PKHD1L1: variants seen among roughly 807,000 people sequenced by gnomAD.
The protein encoded by PKHD1L1 is PKHD1 like 1.
In PKHD1L1, 434 loss-of-function variants were observed where a neutral mutation model predicts 462.9. The ratio of observed to expected loss-of-function variants is 0.94; its 90% CI spans 0.87 to 1.02. The LOEUF is 1.02. PKHD1L1 is among the 50% of genes least tolerant of loss of function. The probability of loss-of-function intolerance (pLI) is 0.00; values close to 1 mark genes in which losing one functional copy is unlikely to be tolerated. For missense variants in PKHD1L1, 5,202 were observed against 5,096.1 expected (o/e 1.02, Z -0.63); for synonymous variants, 1,781 against 1,750.0 (o/e 1.02, Z -0.44).
intron 39 of PKHD1L1, 27 bp downstream of exon 39, chr8:109,448,418 A>T: frequency 6.4e-7 from 1 of 1,566,732 alleles, no homozygotes; most frequent in Non-Finnish European, 8.7e-7. Context: ...AAGAACCTGC[A>T]GATATTTTGT....
intron 72 of PKHD1L1, among the ~76,000 whole-genome samples, chr8:109,516,021 T>C (rs1191257739): frequency 2.0e-5 from 3 of 152,110 alleles, no homozygotes; most frequent in Non-Finnish European, 4.4e-5. Flanking sequence ...GGGTAATCTG[T>C]TTGCTTTACC....
intron 46 of PKHD1L1, among the ~76,000 whole-genome samples, chr8:109,457,922 C>T (rs116921627): frequency 0.016 from 2,441 of 152,128 alleles, 27 homozygotes; most frequent in Admixed American, 0.024. Flanking sequence ...ACTGGTTCGC[C>T]CTTATCTCTA....
chr8:109,485,351 C>T (rs1007351528), intron 58 of PKHD1L1, among the ~76,000 whole-genome samples, 178 bp downstream of exon 58: 4 of 151,942 alleles, frequency 2.6e-5, no homozygotes, highest in African/African-American at 7.2e-5. Context: ...CGATAGTCCC[C>T]GCTATGTGCT....
At position 109,508,139 on chromosome 8, in the gene PKHD1L1, A is replaced by G. The variant is rs1819790945; in HGVS notation, c.11270A>G (p.Gln3757Arg). ...ACCTGTAAGTACCTTCCAGAGTGGCAGAGCTATCAGTGCTTTGGGATGGAA... is the reference window on the plus strand; with the variant it reads ...ACCTGTAAGTACCTTCCAGAGTGGCGGAGCTATCAGTGCTTTGGGATGGAA... ...DSTCKYLPEW[Q>R]SYQCFGMEYA... The change falls in exon 70 of 78, where the codon CAG (glutamine) becomes CGG (arginine). Residue 3757 changes from glutamine (Q) to arginine (R), a missense_variant. Gln to Arg is a conservative substitution (Grantham distance 43, BLOSUM62 1). Around this residue, in one of 3 missense-constraint regions of PKHD1L1, gnomAD observed 698 missense variants for 736.3 expected, o/e 0.95. Coordinates refer to ENST00000378402, the MANE Select transcript of PKHD1L1 (RefSeq NM_177531.6). 6.2e-6 allele frequency: 10 copies of G among 1,612,888 alleles called. No individual in the cohort carries two copies. Among genetic ancestry groups the G allele is most frequent in the Non-Finnish European group, 7.6e-6 (9 of 1,179,204 alleles).
At position 109,464,499 on chromosome 8, in the gene PKHD1L1, A is replaced by C. The variant is rs1817315035; in HGVS notation, c.7667A>C (p.Asp2556Ala). 2 of 1,613,736 alleles carry C rather than the reference A, an allele frequency of 1.2e-6. No homozygotes were observed. Among genetic ancestry groups the C allele is most frequent in the Non-Finnish European group, 1.7e-6 (2 of 1,179,776 alleles). Reference sequence around the variant, plus strand: ...CAAAGTACCAGTCTTCTGAATGATGATGTGACCCCGGCTGCATTTTGGGTC... The same window carrying C: ...CAAAGTACCAGTCTTCTGAATGATGCTGTGACCCCGGCTGCATTTTGGGTC... Reference protein sequence around the residue: ...VQQSTSLLNDDVTPAAFWVTN... With the variant: ...VQQSTSLLNDAVTPAAFWVTN... Residue 2556 changes from aspartate (D) to alanine (A), a missense_variant, in exon 49 of 78, where the codon GAT becomes GCT. Physicochemically the swap from Asp to Ala is moderately radical, Grantham distance 126 (BLOSUM62 -2). Coordinates refer to ENST00000378402, the MANE Select transcript of PKHD1L1 (RefSeq NM_177531.6).
In PKHD1L1 at chr8:109,445,251, T is replaced by C. The variant is rs1177322431; in HGVS notation, c.5382T>C (p.Asn1794=). Residue 1794 remains asparagine, a synonymous_variant, in exon 38 of 78, where the codon AAT becomes AAC. Transcript: ENST00000378402. Reference sequence around the variant, plus strand: ...AACAGTTCAGAGCAATAGAGGTTAATGAAAACAACATCACTGCTCTTGTGA... The same window carrying C: ...AACAGTTCAGAGCAATAGAGGTTAACGAAAACAACATCACTGCTCTTGTGA... ...GNQQFRAIEV[N]ENNITALVTP... 6.2e-7 allele frequency: 1 copy of C among 1,614,028 alleles called. No homozygotes were observed.
At position 109,396,027 on chromosome 8, in the gene PKHD1L1, A is replaced by T. The variant is rs371365976; in HGVS notation, c.812A>T (p.Glu271Val). 80 of 1,585,108 alleles carry T rather than the reference A, an allele frequency of 5.0e-5. No individual in the cohort carries two copies. The highest frequency in any genetic ancestry group is 6.8e-5 in the Non-Finnish European group (79 of 1,162,520). The change falls in exon 11 of 78, where the codon GAG becomes GTG. Residue 271 changes from glutamate to valine, a missense_variant and splice_region_variant. By Grantham distance (121) the Glu-to-Val change is moderately radical (BLOSUM62 -2). This residue lies in a region of PKHD1L1 where 4,497 missense variants were observed against 4,336.8 expected (regional missense o/e 1.04). Transcript: ENST00000378402. ...TTTATTTAATGTGGTTTTCCCCCAG[A>T]GGTCACCATGATTTTCCCTTCACAA... The part of the protein sequence containing the change: ...NKIAMFQTYA[E>V]VTMIFPSQGS...
intron 2 of PKHD1L1, among the ~76,000 whole-genome samples, chr8:109,365,583 T>C (rs1811188315): frequency 6.6e-6 from 1 of 152,222 alleles, no homozygotes; most frequent in Admixed American, 6.5e-5. Flanking sequence ...TCTTTAACCA[T>C]ATGTTTCTTA....
At chr8:109,457,591 CA>C (rs1292591575) in intron 46 of PKHD1L1, among the ~76,000 whole-genome samples, 1 of 152,094 alleles carries the variant, frequency 6.6e-6, no homozygotes, top group Non-Finnish European at 1.5e-5. Context: ...TAGCTCCCTG[CA>C]ATACCACTTA....
At position 109,435,366 on chromosome 8, in the gene PKHD1L1, T is replaced by C. The variant is rs1425796694; in HGVS notation, c.3505+12T>C. 3 of 1,603,012 alleles carry C rather than the reference T, an allele frequency of 1.9e-6. No individual in the cohort carries two copies. The highest frequency in any genetic ancestry group is 2.6e-6 in the Non-Finnish European group (3 of 1,172,138). ...TGGAAGCATAGCAGGTAATGGTTAATAGTTTAAACAGAGAGAAAATTGCAT... is the reference window on the plus strand; with the variant it reads ...TGGAAGCATAGCAGGTAATGGTTAACAGTTTAAACAGAGAGAAAATTGCAT... On this transcript the variant is annotated intron_variant, in intron 29 of 77. Coordinates refer to ENST00000378402, the MANE Select transcript of PKHD1L1 (RefSeq NM_177531.6).
rs760866860 is a variant in PKHD1L1, at chr8:109,435,303, G to C, written c.3454G>C (p.Val1152Leu). The C allele has an allele frequency of 1.2e-6, 2 of 1,613,722 alleles. No individual in the cohort carries two copies. The highest frequency in any genetic ancestry group is 3.3e-5 in the Admixed American group (2 of 60,002). The change falls in exon 29 of 78, where the codon GTT becomes CTT. Residue 1152 changes from valine (V) to leucine (L), a missense_variant. Around this residue, in one of 3 missense-constraint regions of PKHD1L1, gnomAD observed 4,497 missense variants for 4,336.8 expected, o/e 1.04. Transcript: ENST00000378402. The stretch of plus-strand genomic sequence containing the variant: ...TGTAGGGGGTGAAGAGTTCTACTTT[G>C]TTTATCAGAGTCAGATCTCACATAT... ...QNVGGEEFYF[V>L]YQSQISHIWP... is the part of the protein sequence containing the mutation.
intron 48 of PKHD1L1, among the ~76,000 whole-genome samples, chr8:109,462,525 ACTTG>A (rs1817197156): frequency 6.6e-6 from 1 of 151,898 alleles, no homozygotes; most frequent in Non-Finnish European, 1.5e-5. Flanking sequence ...GGTCCTTTGT[ACTTG>A]CTTTTCATTA....
At chr8:109,462,973 T>G (rs1048930413) in intron 48 of PKHD1L1, among the ~76,000 whole-genome samples, 1 of 152,084 alleles carries the variant, frequency 6.6e-6, no homozygotes, top group African/African-American at 2.4e-5. Flanking sequence ...TTATTTAAAA[T>G]TGCCACCCAA....
At chr8:109,404,484 A>G (rs1338231066) in intron 14 of PKHD1L1, 70 bp from the exon 15 acceptor site, 3 of 878,424 alleles carry the variant, frequency 3.4e-6, no homozygotes, top group Non-Finnish European at 4.8e-6. Context: ...TTGATATTTT[A>G]TTCATTAAAA....
intron 2 of PKHD1L1, 51 bp from the exon 3 acceptor site, chr8:109,381,319 C>A: frequency 6.9e-7 from 1 of 1,447,372 alleles, no homozygotes; most frequent in Non-Finnish European, 9.5e-7. Context: ...AATGTTAGGT[C>A]TCTGAAGATA....
chr8:109,408,864 G>A (rs1358510926), intron 18 of PKHD1L1, among the ~76,000 whole-genome samples: 3 of 152,142 alleles, frequency 2.0e-5, no homozygotes, highest in East Asian at 1.9e-4. Context: ...TCCATTTGGC[G>A]TGATAGGTTG....
chr8:109,498,745 C>T lies in PKHD1L1; in HGVS notation c.10802C>T (p.Ala3601Val). Reference protein sequence around the residue: ...KPHAGIMSYNAISGLLDISGS... With the variant: ...KPHAGIMSYNVISGLLDISGS... ...CATGCAGGAATCATGAGTTACAATG[C>T]CATCAGTGGCCTTTTGGACATCTCA... Residue 3601 changes from alanine to valine, a missense_variant, in exon 67 of 78, where the codon GCC (alanine) becomes GTC (valine). This residue lies in a region of PKHD1L1 where 4,497 missense variants were observed against 4,336.8 expected (regional missense o/e 1.04). Coordinates refer to ENST00000378402, the MANE Select transcript of PKHD1L1 (RefSeq NM_177531.6). 1 of 1,613,478 alleles carries T rather than the reference C, an allele frequency of 6.2e-7. No homozygotes were observed. Among genetic ancestry groups the T allele is most frequent in the Admixed American group, 1.7e-5 (1 of 60,008 alleles).
chr8:109,526,985 T>G lies in PKHD1L1; in HGVS notation c.12686T>G (p.Phe4229Cys). Residue 4229 changes from phenylalanine (F) to cysteine (C), a missense_variant, in exon 77 of 78, where the codon TTT becomes TGT. By Grantham distance (205) the Phe-to-Cys change is radical (BLOSUM62 -2). Around this residue, in one of 3 missense-constraint regions of PKHD1L1, gnomAD observed 698 missense variants for 736.3 expected, o/e 0.95. Transcript: ENST00000378402. ...LVGRMWLLEI[F>C]MAAVSTLNIT... is the part of the protein sequence containing the mutation. Reference sequence around the variant, plus strand: ...GGAAGAATGTGGCTCTTGGAAATATTTATGGCTGCAGTTTCAACTTTGAAT... The same window carrying G: ...GGAAGAATGTGGCTCTTGGAAATATGTATGGCTGCAGTTTCAACTTTGAAT... 1 of 1,613,386 alleles carries G rather than the reference T, an allele frequency of 6.2e-7. No individual in the cohort carries two copies. Among genetic ancestry groups the G allele is most frequent in the South Asian group, 1.1e-5 (1 of 91,054 alleles).
intron 50 of PKHD1L1, chr8:109,470,953 G>T (rs957745749): frequency 4.6e-5 from 74 of 1,609,970 alleles, no homozygotes; most frequent in Admixed American, 2.0e-4. Context: ...ACAGTGGGGA[G>T]TTCCTCTTTA....
Sources: allele counts gnomAD v4.1 joint callset (sites outside exome capture counted in the v4.1 genomes callset), GRCh38; gene constraint gnomAD v4.1.1; regional missense constraint gnomAD v4.1.1; transcripts MANE v1.5; gene names NCBI Gene and HGNC (gene_info 2026-07-23, HGNC 2026-07-21).